SLC22A23: variants seen among roughly 807,000 people sequenced by gnomAD.
SLC22A23 encodes the protein ion transporter protein.
A neutral mutation model predicts 61.0 loss-of-function variants in SLC22A23; 26 were observed. The observed-to-expected ratio is 0.43, with a 90% CI of 0.31 to 0.59. The LOEUF is 0.59. Ranked by LOEUF, SLC22A23 falls within the 20% of genes least tolerant of loss-of-function variation. The pLI is 0.11. For synonymous variants in SLC22A23, 430 were observed against 413.9 expected (o/e 1.04, Z -0.47); for missense variants, 796 against 934.7 (o/e 0.85, Z 1.94).
chr6:3,435,780 G>A (rs1006550565), intron 1 of SLC22A23, among the ~76,000 whole-genome samples: 5 of 152,164 alleles, frequency 3.3e-5, no homozygotes, highest in Non-Finnish European at 7.3e-5. Context: ...TTGGAAATAG[G>A]GTTTTTACAG....
chr6:3,313,918 A>G (rs1401672492), intron 4 of SLC22A23, among the ~76,000 whole-genome samples: 1 of 152,210 alleles, frequency 6.6e-6, no homozygotes, highest in Non-Finnish European at 1.5e-5. Flanking sequence ...AATCCCAGCT[A>G]CAGGGGAGGC....
rs146441975 is a variant in SLC22A23, at chr6:3,433,698, C to G, written c.655-17843G>C. On this transcript the variant is annotated intron_variant, in intron 1 of 9. Coordinates refer to ENST00000406686, the MANE Select transcript of SLC22A23 (RefSeq NM_015482.2). Reference sequence around the variant, plus strand: ...GAGAGAGAAACACAGTGTTGTCTACCCATGCAGTGGAATATGGCTCAGCAA... The same window carrying G: ...GAGAGAGAAACACAGTGTTGTCTACGCATGCAGTGGAATATGGCTCAGCAA... Among the ~76,000 whole-genome samples, 169 of 152,224 alleles carry G rather than the reference C, an allele frequency of 1.1e-3. No individual in the cohort carries two copies. The Middle Eastern group carries it at 0.031, about 28-fold the overall frequency.
intron 9 of SLC22A23, among the ~76,000 whole-genome samples, chr6:3,281,421 TTTTTGTGG>T (rs1273764175): frequency 1.1e-4 from 16 of 152,254 alleles, no homozygotes; most frequent in Non-Finnish European, 4.4e-5. Flanking sequence ...CCTTTGTTGC[TTTTTGTGG>T]TGGAACAAGT....
Position 3,297,248 on chromosome 6 carries a change from CA to C in SLC22A23, c.1210+842del, listed in dbSNP as rs1299251937. On this transcript the variant is annotated intron_variant, in intron 5 of 9. Coordinates refer to ENST00000406686, the MANE Select transcript of SLC22A23 (RefSeq NM_015482.2). This position sits in a 1 kb window ranked among gnomAD's most constrained non-coding sequence, Gnocchi z 4.3. ...AATCATGATCACAAGCATTTCTGGTCAGGGGGGAAAATGAGCATATTCTCTC... is the reference window on the plus strand; with the variant it reads ...AATCATGATCACAAGCATTTCTGGTCGGGGGGAAAATGAGCATATTCTCTC... Among the ~76,000 whole-genome samples the C allele has an allele frequency of 6.6e-5, 10 of 152,208 alleles. No homozygotes were observed. Among genetic ancestry groups the C allele is most frequent in the Admixed American group, 1.3e-4 (2 of 15,278 alleles).
At chr6:3,312,157 A>G (rs1762396901) in intron 4 of SLC22A23, 1 of 152,258 alleles carries the variant, frequency 6.6e-6, no homozygotes, top group African/African-American at 2.4e-5. Flanking sequence ...CTCCAAATGT[A>G]TAACAATTGG....
chr6:3,280,512 T>TTTTTTTTTTTTTCC lies in SLC22A23; in HGVS notation c.1703+3339_1703+3340insGGAAAAAAAAAAAA, dbSNP rs781526188. The stretch of plus-strand genomic sequence containing the variant: ...CAACTTTTTTTTTTTTTTTTTTTTT[T>TTTTTTTTTTTTTCC]TGAGATGGAGTCTCGCTCTGTCGCC... On this transcript the variant is annotated intron_variant, in intron 9 of 9. Transcript: ENST00000406686. 8.9e-3 allele frequency among the ~76,000 whole-genome samples: 871 copies of TTTTTTTTTTTTTCC among 98,264 alleles called. 76 individuals carry two copies. The highest frequency in any genetic ancestry group is 0.03 in the African/African-American group (844 of 28,034). The allele number at this position is 98,264 out of a possible 152,430, so 64.5% of individuals were successfully genotyped here. A position where few individuals can be genotyped will look rare whatever the true frequency, so the allele number is the denominator to read the frequency against.
chr6:3,356,600 C>T (rs951283360), intron 3 of SLC22A23, among the ~76,000 whole-genome samples: 1 of 152,160 alleles, frequency 6.6e-6, no homozygotes, highest in Non-Finnish European at 1.5e-5. Context: ...ACCAAACCCG[C>T]TGGCCAGGAC....
At chr6:3,378,661 T>TTC (rs1766750585) in intron 3 of SLC22A23, among the ~76,000 whole-genome samples, 1 of 125,336 alleles carries the variant, frequency 8.0e-6, no homozygotes, top group South Asian at 2.3e-4. Flanking sequence ...TTTTTTCTTT[T>TTC]TTTTTTTTTT....
At chr6:3,399,299 C>G (rs895538710) in intron 3 of SLC22A23, among the ~76,000 whole-genome samples, 1 of 152,198 alleles carries the variant, frequency 6.6e-6, no homozygotes, top group African/African-American at 2.4e-5. Flanking sequence ...TTTTCTAAGT[C>G]TTACATGGAT....
chr6:3,314,562 C>A (rs1762529635), intron 4 of SLC22A23, among the ~76,000 whole-genome samples: 1 of 152,098 alleles, frequency 6.6e-6, no homozygotes, highest in Non-Finnish European at 1.5e-5. Flanking sequence ...AAGAAACAAA[C>A]CCTCAAGAGA....
chr6:3,335,281 C>A (rs1175338148), intron 3 of SLC22A23, among the ~76,000 whole-genome samples: 1 of 152,228 alleles, frequency 6.6e-6, no homozygotes, highest in Admixed American at 6.5e-5. Flanking sequence ...GCGGCGGAGG[C>A]TCCGAGGCCT....
At chr6:3,326,934 T>C (rs1272973326) in intron 3 of SLC22A23, among the ~76,000 whole-genome samples, 1 of 152,184 alleles carries the variant, frequency 6.6e-6, no homozygotes, top group East Asian at 1.9e-4. Flanking sequence ...AAAGAACACA[T>C]GAGGACATTT....
At chr6:3,279,155 T>C (rs1759184143) in intron 9 of SLC22A23, among the ~76,000 whole-genome samples, 1 of 152,180 alleles carries the variant, frequency 6.6e-6, no homozygotes, top group African/African-American at 2.4e-5. Context: ...CATGCATATA[T>C]AATATGGAAT....
chr6:3,306,606 A>G (rs1261986096), intron 4 of SLC22A23, among the ~76,000 whole-genome samples: 2 of 152,188 alleles, frequency 1.3e-5, no homozygotes, highest in Non-Finnish European at 2.9e-5. Context: ...CAGGCTGGGA[A>G]GACCTAAAGG....
At chr6:3,421,053 C>T (rs1399473631) in intron 1 of SLC22A23, among the ~76,000 whole-genome samples, 2 of 151,626 alleles carry the variant, frequency 1.3e-5, no homozygotes. Flanking sequence ...GTGAGCAAGA[C>T]TGCGCCACTG....
rs34366589 is a variant in SLC22A23 at position 3,329,755 on chromosome 6, CT to C, written c.914-5754del. ...TGGCTCATACTGAAGCCACGGAAGG[CT>C]TCCTATGTGTCGCTGGCCTCACAGA... On this transcript the variant is annotated intron_variant, in intron 3 of 9. Coordinates refer to ENST00000406686, the MANE Select transcript of SLC22A23 (RefSeq NM_015482.2). This position sits in a 1 kb window ranked among gnomAD's most constrained non-coding sequence, Gnocchi z 4.8. Among the ~76,000 whole-genome samples the C allele has an allele frequency of 5.3e-3, 814 of 152,300 alleles. 3 individuals are homozygous for C. Among genetic ancestry groups the C allele is most frequent in the African/African-American group, 0.016 (672 of 41,562 alleles).
intron 3 of SLC22A23, among the ~76,000 whole-genome samples, chr6:3,370,861 T>C (rs1220810783): frequency 6.6e-6 from 1 of 152,210 alleles, no homozygotes; most frequent in Non-Finnish European, 1.5e-5. Flanking sequence ...TGAAAACAGC[T>C]CCTACCTGAG....
At chr6:3,351,174 A>G (rs1764744533) in intron 3 of SLC22A23, among the ~76,000 whole-genome samples, 2 of 152,216 alleles carry the variant, frequency 1.3e-5, no homozygotes, top group Admixed American at 1.3e-4. Context: ...GTATAGAATT[A>G]CAGGAAAGAA....
chr6:3,295,396 G>T (rs1760993743), intron 5 of SLC22A23, among the ~76,000 whole-genome samples: 1 of 141,502 alleles, frequency 7.1e-6, no homozygotes, highest in South Asian at 2.2e-4. Flanking sequence ...GAAGGCCAGG[G>T]TGTGAGGTGG....
Sources: allele counts gnomAD v4.1 joint callset (sites outside exome capture counted in the v4.1 genomes callset), GRCh38; gene constraint gnomAD v4.1.1; non-coding constraint Gnocchi (gnomAD v3.1); transcripts MANE v1.5; gene names NCBI Gene and HGNC (gene_info 2026-07-23, HGNC 2026-07-21).